The following DNAAF5 variants were observed in gnomAD, a reference collection of about 807,000 sequenced individuals.
The protein encoded by DNAAF5 is HEAT repeat containing 2.
In DNAAF5, 64 loss-of-function variants were observed where a neutral mutation model predicts 75.8. That is an observed-to-expected ratio of 0.84 (90% CI 0.69 to 1.04). The LOEUF is 1.04. DNAAF5 is among the 50% of genes least tolerant of loss of function. The pLI is 0.00. For missense variants in DNAAF5, 1,269 were observed against 1,178.5 expected, an observed-to-expected ratio of 1.08 and a Z score of -1.12; for synonymous variants, 657 against 557.2, an observed-to-expected ratio of 1.18 and a Z score of -2.52.
At chr7:736,368 G>A (rs575791838) in intron 2 of DNAAF5, among the ~76,000 whole-genome samples, 1 of 152,234 alleles carries the variant, frequency 6.6e-6, no homozygotes, top group South Asian at 2.1e-4. Context: ...GTAATATTTG[G>A]TTTATATATC....
chr7:747,574 C>T (rs1283795908), intron 4 of DNAAF5, among the ~76,000 whole-genome samples: 1 of 150,046 alleles, frequency 6.7e-6, no homozygotes, highest in Non-Finnish European at 1.5e-5. Flanking sequence ...AGCTGGTGTG[C>T]AGTGTTGTCA....
chr7:729,600 C>T, intron 1 of DNAAF5, 63 bp from the exon 2 acceptor site: 1 of 1,526,004 alleles, frequency 6.6e-7, no homozygotes, highest in African/African-American at 1.4e-5. Flanking sequence ...CTCTGGAAGC[C>T]CACAGAGCTG....
At chr7:741,260 T>C in intron 3 of DNAAF5, 87 bp from the exon 4 acceptor site, 5 of 999,188 alleles carry the variant, frequency 5.0e-6, no homozygotes, top group Non-Finnish European at 7.6e-6. Context: ...CAATGGGGTC[T>C]TTGGGTGACC....
Position 780,107 on chromosome 7 carries a change from T to C in DNAAF5, c.2394T>C (p.Leu798=). Residue 798 remains leucine (L), a synonymous_variant, in exon 12 of 13, where the codon CTT becomes CTC. Transcript: ENST00000297440. ...TGTACCGAGAGTTGCTGGTTCACCT[T>C]GACGATCCAGAGAGGGCCATCCAGG... The part of the protein sequence containing the change: ...QYLYRELLVH[L]DDPERAIQDA... 1 of 1,614,204 alleles carries C rather than the reference T, an allele frequency of 6.2e-7. No individual in the cohort carries two copies. Among genetic ancestry groups the C allele is most frequent in the Non-Finnish European group, 8.5e-7 (1 of 1,180,014 alleles).
chr7:734,765 G>A (rs1465283797), intron 2 of DNAAF5, among the ~76,000 whole-genome samples: 1 of 152,198 alleles, frequency 6.6e-6, no homozygotes, highest in African/African-American at 2.4e-5. Flanking sequence ...TTACTGGTCT[G>A]TTCAAGGTTT....
intron 4 of DNAAF5, among the ~76,000 whole-genome samples, chr7:742,837 GCCCAGCTCAAATCAA>G (rs1251685746): frequency 1.5e-3 from 13 of 8,482 alleles, no homozygotes; most frequent in Non-Finnish European, 4.5e-3. Context: ...AATCAATCAT[GCCCAGCTCAAATCAA>G]TCATGCCCAG....
intron 9 of DNAAF5, chr7:771,960 T>G (rs1349140191): frequency 6.6e-6 from 1 of 152,286 alleles, no homozygotes; most frequent in Non-Finnish European, 1.5e-5. Context: ...AAAGATTTTT[T>G]TTTTTATCCG....
chr7:746,435 C>T (rs34065802), intron 4 of DNAAF5, among the ~76,000 whole-genome samples: 3,408 of 25,292 alleles, frequency 0.13, 1,171 homozygotes, highest in African/African-American at 0.2. Context: ...CCAACATGCC[C>T]AGGGCCTGTG....
chr7:743,489 GC>G (rs1781985746), intron 4 of DNAAF5, among the ~76,000 whole-genome samples: 1 of 152,058 alleles, frequency 6.6e-6, no homozygotes, highest in Admixed American at 6.6e-5. Context: ...TCACAGGGTT[GC>G]TTTTCCTCCC....
chr7:741,432 G>GCCCCC lies in DNAAF5; in HGVS notation c.995_996insCCCCC (p.Thr334LeufsTer46). ...GGACCTGAAGGACAAGCTGGACTTT[G>GCCCCC]CCCCTCCCACCCCACCCCATTACCC... On this transcript the variant is annotated frameshift_variant, in exon 4 of 13. Transcript: ENST00000297440. LOFTEE classifies it high-confidence loss of function. The GCCCCC allele has an allele frequency of 1.3e-6, 2 of 1,564,804 alleles. No individual in the cohort carries two copies. The highest frequency in any genetic ancestry group is 1.2e-5 in the South Asian group (1 of 85,182).
chr7:727,525 C>A, intron 1 of DNAAF5: 1 of 302,352 alleles, frequency 3.3e-6, no homozygotes, highest in Non-Finnish European at 5.9e-6. Context: ...CCACTGCTTC[C>A]CCTGCCTCAC....
At chr7:762,716 T>A (rs905342760) in intron 7 of DNAAF5, among the ~76,000 whole-genome samples, 1 of 151,760 alleles carries the variant, frequency 6.6e-6, no homozygotes. Flanking sequence ...CAGGTTCAAG[T>A]GATTCTCCTG....
At chr7:779,467 C>T (rs1034697106) in intron 11 of DNAAF5, among the ~76,000 whole-genome samples, 4 of 152,204 alleles carry the variant, frequency 2.6e-5, no homozygotes, top group African/African-American at 7.2e-5. Flanking sequence ...TTCTACCCAT[C>T]GGGAAGGATC....
chr7:726,934 C>T lies in DNAAF5; in HGVS notation c.214C>T (p.Pro72Ser). Residue 72 changes from proline to serine, a missense_variant, in exon 1 of 13, where the codon CCC becomes TCC. Coordinates refer to ENST00000297440, the MANE Select transcript of DNAAF5 (RefSeq NM_017802.4). The part of the protein sequence containing the change: ...PAADPTAFQG[P>S]WARLLLPRLL... ...CGCCGACCCCACCGCTTTCCAGGGC[C>T]CCTGGGCGCGCCTACTGCTGCCGCG... 2.2e-6 allele frequency: 3 copies of T among 1,343,174 alleles called. No homozygotes were observed. The highest frequency in any genetic ancestry group is 1.9e-6 in the Non-Finnish European group (2 of 1,044,118). The allele number at this position is 1,343,174 out of a possible 1,614,324, so 83.2% of individuals were successfully genotyped here.
At chr7:749,324 C>T (rs1338285114) in intron 4 of DNAAF5, among the ~76,000 whole-genome samples, 1 of 152,194 alleles carries the variant, frequency 6.6e-6, no homozygotes, top group African/African-American at 2.4e-5. Flanking sequence ...GATTGTTTTC[C>T]TTGGCAATGC....
At chr7:761,998 T>TGAGCCCCAGGCCTCAAACATGTCG in intron 7 of DNAAF5, 102 bp downstream of exon 7, 1 of 1,001,954 alleles carries the variant, frequency 1.0e-6, no homozygotes, top group Non-Finnish European at 1.3e-6. Context: ...CCTCTGTGCT[T>TGAGCCCCAGGCCTCAAACATGTCG]GACCAGCAAA....
chr7:737,773 C>T (rs1208598077), intron 2 of DNAAF5, among the ~76,000 whole-genome samples: 3 of 152,208 alleles, frequency 2.0e-5, no homozygotes, highest in Non-Finnish European at 4.4e-5. Flanking sequence ...TCTGAGAAGT[C>T]GTTGCCAGGC....
At chr7:782,743 C>G (rs563219313) in intron 12 of DNAAF5, among the ~76,000 whole-genome samples, 41 of 132,660 alleles carry the variant, frequency 3.1e-4, no homozygotes, top group African/African-American at 1.1e-3. Flanking sequence ...CCTCCCGTCA[C>G]GCAGCGTCAG....
chr7:771,297 G>T (rs185527970), intron 9 of DNAAF5: 1 of 152,474 alleles, frequency 6.6e-6, no homozygotes, highest in East Asian at 1.9e-4. Context: ...CACTGGGAGG[G>T]ACAGTGGAGG....
Sources: allele counts gnomAD v4.1 joint callset (sites outside exome capture counted in the v4.1 genomes callset), GRCh38; gene constraint gnomAD v4.1.1; transcripts MANE v1.5; gene names NCBI Gene and HGNC (gene_info 2026-07-23, HGNC 2026-07-21).